The following CSGALNACT1 variants were observed in gnomAD, a reference collection of about 807,000 sequenced individuals.
CSGALNACT1 encodes the protein chondroitin sulfate N-acetylgalactosaminyltransferase 1.
In CSGALNACT1, 52 loss-of-function variants were observed where a neutral mutation model predicts 51.0. The ratio of observed to expected loss-of-function variants is 1.02; its 90% CI spans 0.82 to 1.29. The LOEUF (loss-of-function observed/expected upper bound fraction) is 1.29. Ranked by LOEUF, CSGALNACT1 falls within the 50% of genes most tolerant of loss-of-function variation. CSGALNACT1 has a pLI of 0.00. For missense variants in CSGALNACT1, 935 were observed against 679.2 expected (o/e 1.38, Z -4.19); for synonymous variants, 341 against 254.4 (o/e 1.34, Z -3.24).
chr8:19,533,332 G>A (rs1317867536), intron 3 of CSGALNACT1, among the ~76,000 whole-genome samples: 2 of 152,046 alleles, frequency 1.3e-5, no homozygotes, highest in Non-Finnish European at 2.9e-5. Flanking sequence ...ATGTTGCCCA[G>A]GCTGGTCTCA....
rs78801490 is a variant in CSGALNACT1, at chr8:19,671,368, G to C, written c.-544+11105C>G. The stretch of plus-strand genomic sequence containing the variant: ...GTTAGGTGTACACGACAAATTCACA[G>C]GCAACAATGTTGTTTTCAAGCTCCA... On this transcript the variant is annotated intron_variant, in intron 1 of 9. Coordinates refer to the CSGALNACT1 transcript ENST00000332246. Among the ~76,000 whole-genome samples, 7 of 152,308 alleles carry C rather than the reference G, an allele frequency of 4.6e-5. No homozygotes were observed. In the East Asian group the frequency reaches 1.4e-3, roughly 29 times the overall value.
chr8:19,411,116 G>A (rs190026147), intron 8 of CSGALNACT1, among the ~76,000 whole-genome samples: 1 of 152,090 alleles, frequency 6.6e-6, no homozygotes, highest in Admixed American at 6.5e-5. Context: ...GATACTTGCA[G>A]TCCTTCCTGC....
chr8:19,679,589 C>T (rs146793739), intron 1 of CSGALNACT1, among the ~76,000 whole-genome samples: 2 of 152,310 alleles, frequency 1.3e-5, no homozygotes, highest in African/African-American at 4.8e-5. Context: ...CTGTAGCCAC[C>T]TTTAAAAAGC....
At chr8:19,486,189 C>T (rs1185653432) in intron 4 of CSGALNACT1, among the ~76,000 whole-genome samples, 1 of 151,836 alleles carries the variant, frequency 6.6e-6, no homozygotes, top group Non-Finnish European at 1.5e-5. Context: ...CCCAGGTGTG[C>T]CTTTAGGCTG....
chr8:19,501,930 A>G (rs2076494997), intron 4 of CSGALNACT1, among the ~76,000 whole-genome samples: 1 of 152,240 alleles, frequency 6.6e-6, no homozygotes, highest in South Asian at 2.1e-4. Context: ...CGATTACGTA[A>G]GAATCCAACA....
intron 4 of CSGALNACT1, among the ~76,000 whole-genome samples, chr8:19,493,057 G>GA (rs71205928): frequency 1.0e-3 from 142 of 141,384 alleles, no homozygotes; most frequent in African/African-American, 2.5e-3. Flanking sequence ...TTCTTTTTTT[G>GA]AAAAAAAAAA....
intron 3 of CSGALNACT1, among the ~76,000 whole-genome samples, chr8:19,583,222 G>T (rs12546871): frequency 1.8e-3 from 275 of 152,156 alleles, no homozygotes; most frequent in African/African-American, 6.5e-3. Context: ...AAGACAAAAA[G>T]TAGAGTTCCA....
chr8:19,524,600 T>G (rs1236371684), intron 3 of CSGALNACT1, among the ~76,000 whole-genome samples: 1 of 152,142 alleles, frequency 6.6e-6, no homozygotes, highest in Non-Finnish European at 1.5e-5. Flanking sequence ...TTCTTGACTC[T>G]AAGTTAATGA....
chr8:19,543,638 G>T (rs4332151), intron 3 of CSGALNACT1, among the ~76,000 whole-genome samples: 2 of 152,052 alleles, frequency 1.3e-5, no homozygotes, highest in African/African-American at 4.8e-5. Context: ...GTGGCTGCAT[G>T]TTTCCCAGCT....
chr8:19,586,178 C>T (rs964307907), intron 3 of CSGALNACT1, among the ~76,000 whole-genome samples: 1 of 152,120 alleles, frequency 6.6e-6, no homozygotes, highest in Non-Finnish European at 1.5e-5. Context: ...GCCTGGCCAA[C>T]ATAGCAAAAC....
At chr8:19,738,002 C>G (rs2064089623) in intron 1 of CSGALNACT1, among the ~76,000 whole-genome samples, 1 of 152,112 alleles carries the variant, frequency 6.6e-6, no homozygotes, top group Non-Finnish European at 1.5e-5. Context: ...GTATTTATTA[C>G]CAATGAACTG....
chr8:19,674,115 C>A (rs1266155161), intron 1 of CSGALNACT1, among the ~76,000 whole-genome samples: 1 of 152,130 alleles, frequency 6.6e-6, no homozygotes, highest in East Asian at 1.9e-4. Context: ...TGGCAAAATC[C>A]CGTCTTTACT....
At chr8:19,518,013 G>C (rs928830069) in intron 3 of CSGALNACT1, among the ~76,000 whole-genome samples, 3 of 152,222 alleles carry the variant, frequency 2.0e-5, no homozygotes, top group African/African-American at 4.8e-5. Flanking sequence ...CCAAGACTCA[G>C]GAAAGTAAGC....
intron 1 of CSGALNACT1, among the ~76,000 whole-genome samples, chr8:19,638,562 A>G (rs981720484): frequency 1.3e-5 from 2 of 152,224 alleles, no homozygotes; most frequent in Admixed American, 1.3e-4. Context: ...AAAGGCTAAC[A>G]ATAAGGGGCA....
At chr8:19,425,847 G>A (rs996574588) in intron 6 of CSGALNACT1, among the ~76,000 whole-genome samples, 6 of 152,090 alleles carry the variant, frequency 3.9e-5, no homozygotes, top group African/African-American at 1.4e-4. Flanking sequence ...TACGCGCTCT[G>A]CATCTACTCC....
intron 4 of CSGALNACT1, among the ~76,000 whole-genome samples, chr8:19,470,685 T>C (rs1201519531): frequency 6.6e-6 from 1 of 151,994 alleles, no homozygotes; most frequent in Non-Finnish European, 1.5e-5. Flanking sequence ...TCTCTAAAAA[T>C]GAAAATTTGG....
rs145835013 is a variant in CSGALNACT1, at chr8:19,419,252, C to T, written c.1133-502G>A. 1.7e-3 allele frequency among the ~76,000 whole-genome samples: 253 copies of T among 152,266 alleles called. 1 individual carries two copies. The highest frequency in any genetic ancestry group is 5.9e-3 in the African/African-American group (246 of 41,552). On this transcript the variant is annotated intron_variant, in intron 7 of 9. Transcript: ENST00000454498. Reference sequence around the variant, plus strand: ...TCTGCAAATATTTCTGATCTCCCAGCGCAGGAATGATATTTGGAATACTGA... The same window carrying T: ...TCTGCAAATATTTCTGATCTCCCAGTGCAGGAATGATATTTGGAATACTGA...
intron 3 of CSGALNACT1, among the ~76,000 whole-genome samples, chr8:19,532,954 T>C (rs1264134690): frequency 6.6e-6 from 1 of 152,228 alleles, no homozygotes; most frequent in African/African-American, 2.4e-5. Flanking sequence ...GTCATCTTTG[T>C]CTAAAATAGT....
chr8:19,468,586 G>T (rs911659600), intron 4 of CSGALNACT1, among the ~76,000 whole-genome samples: 24 of 152,230 alleles, frequency 1.6e-4, no homozygotes, highest in African/African-American at 5.8e-4. Flanking sequence ...AACCACGATG[G>T]TTTAGCAGGA....
Sources: allele counts gnomAD v4.1 joint callset (sites outside exome capture counted in the v4.1 genomes callset), GRCh38; gene constraint gnomAD v4.1.1; transcripts MANE v1.5; gene names NCBI Gene and HGNC (gene_info 2026-07-23, HGNC 2026-07-21).